FSTL5: variants seen among roughly 807,000 people sequenced by gnomAD.
The protein encoded by FSTL5 is follistatin like 5.
In FSTL5, 62 loss-of-function variants were observed where a neutral mutation model predicts 89.1. The ratio of observed to expected loss-of-function variants is 0.70; its 90% CI spans 0.57 to 0.86. The LOEUF (loss-of-function observed/expected upper bound fraction) is 0.86, where lower values mean the gene tolerates loss of function less well. Ranked by LOEUF, FSTL5 falls within the 40% of genes least tolerant of loss-of-function variation. FSTL5 has a pLI of 0.00. For missense variants in FSTL5, 1,057 were observed against 1,001.6 expected (o/e 1.06, Z -0.75); for synonymous variants, 383 against 346.2 (o/e 1.11, Z -1.18).
At chr4:161,861,341 G>A (rs1731909240) in intron 4 of FSTL5, among the ~76,000 whole-genome samples, 1 of 152,140 alleles carries the variant, frequency 6.6e-6, no homozygotes, top group Non-Finnish European at 1.5e-5. Flanking sequence ...GGTATCGTTT[G>A]AACCCGGGAG....
At chr4:161,806,440 G>A (rs547959872) in intron 4 of FSTL5, among the ~76,000 whole-genome samples, 1 of 152,236 alleles carries the variant, frequency 6.6e-6, no homozygotes, top group South Asian at 2.1e-4. Context: ...TGAGATGCAT[G>A]TTAAATGAAA....
rs150596185 is a variant in FSTL5, at chr4:162,085,933, G to A, written c.126+25338C>T. Among the ~76,000 whole-genome samples the A allele has an allele frequency of 7.6e-4, 115 of 152,126 alleles. 1 individual carries two copies. Among genetic ancestry groups the A allele is most frequent in the African/African-American group, 2.6e-3 (109 of 41,500 alleles). On this transcript the variant is annotated intron_variant, in intron 2 of 15. Coordinates refer to ENST00000306100, the MANE Select transcript of FSTL5 (RefSeq NM_020116.5). Reference sequence around the variant, plus strand: ...TCACAAACTGTCACAGTTACATTACGTAGGGGCTCCTGAGCAAGGTAAAAC... The same window carrying A: ...TCACAAACTGTCACAGTTACATTACATAGGGGCTCCTGAGCAAGGTAAAAC...
At chr4:161,781,850 T>C (rs1560842347) in intron 4 of FSTL5, among the ~76,000 whole-genome samples, 1 of 152,194 alleles carries the variant, frequency 6.6e-6, no homozygotes, top group Non-Finnish European at 1.5e-5. Context: ...TATACTATAA[T>C]TTACAGAATA....
At position 161,833,782 on chromosome 4, in the gene FSTL5, T is replaced by C. The variant is rs541185612; in HGVS notation, c.410-57708A>G. Among the ~76,000 whole-genome samples the C allele has an allele frequency of 2.7e-3, 417 of 151,850 alleles. 3 individuals carry two copies. Among genetic ancestry groups the C allele is most frequent in the Non-Finnish European group, 4.3e-3 (292 of 67,932 alleles). Reference sequence around the variant, plus strand: ...TTTTGAGCCTATGTGTGTCTCTGCATGGGAGATGGGTTTCCTGAATACAGC... The same window carrying C: ...TTTTGAGCCTATGTGTGTCTCTGCACGGGAGATGGGTTTCCTGAATACAGC... On this transcript the variant is annotated intron_variant, in intron 4 of 15. Transcript: ENST00000306100.
intron 6 of FSTL5, among the ~76,000 whole-genome samples, chr4:161,720,557 A>G (rs976216879): frequency 6.6e-6 from 1 of 152,166 alleles, no homozygotes; most frequent in Non-Finnish European, 1.5e-5. Flanking sequence ...AGATATCTAT[A>G]CTCCTATGTT....
At chr4:161,420,313 T>G (rs1424819408) in intron 15 of FSTL5, among the ~76,000 whole-genome samples, 3 of 152,230 alleles carry the variant, frequency 2.0e-5, no homozygotes, top group Admixed American at 6.5e-5. Flanking sequence ...TGTGACCAGT[T>G]ACAAAAACAA....
chr4:161,741,559 C>G (rs1471739908), intron 6 of FSTL5, among the ~76,000 whole-genome samples: 1 of 151,962 alleles, frequency 6.6e-6, no homozygotes, highest in African/African-American at 2.4e-5. Context: ...ATTATGGGAG[C>G]AACTAAGAGT....
At chr4:161,657,493 T>G (rs1358869858) in intron 6 of FSTL5, among the ~76,000 whole-genome samples, 10 of 152,192 alleles carry the variant, frequency 6.6e-5, no homozygotes, top group Admixed American at 6.5e-4. Context: ...TTGTTAAGGT[T>G]GTGATATTTG....
chr4:161,496,702 A>T (rs1730086038), intron 12 of FSTL5, among the ~76,000 whole-genome samples: 1 of 152,042 alleles, frequency 6.6e-6, no homozygotes, highest in African/African-American at 2.4e-5. Context: ...AACCCTACAA[A>T]TTTTGGACTT....
chr4:162,084,285 T>C (rs1335140159), intron 2 of FSTL5, among the ~76,000 whole-genome samples: 2 of 151,958 alleles, frequency 1.3e-5, no homozygotes, highest in African/African-American at 4.8e-5. Context: ...TATCATCACC[T>C]GGAGTCAGGT....
intron 3 of FSTL5, among the ~76,000 whole-genome samples, chr4:161,926,487 C>A (rs1734131078): frequency 6.6e-6 from 1 of 150,998 alleles, no homozygotes; most frequent in Non-Finnish European, 1.5e-5. Flanking sequence ...AATTTGCACC[C>A]ATCCAAATTA....
intron 4 of FSTL5, among the ~76,000 whole-genome samples, chr4:161,792,660 G>T (rs1729515892): frequency 6.6e-6 from 1 of 152,114 alleles, no homozygotes; most frequent in South Asian, 2.1e-4. Context: ...CCCACTGTGG[G>T]TCTCCTCTCC....
At chr4:161,408,324 T>G (rs1731462780) in intron 15 of FSTL5, among the ~76,000 whole-genome samples, 1 of 152,184 alleles carries the variant, frequency 6.6e-6, no homozygotes, top group Non-Finnish European at 1.5e-5. Flanking sequence ...ATCATTTTAC[T>G]AATTCCCCCT....
intron 12 of FSTL5, among the ~76,000 whole-genome samples, chr4:161,490,766 G>A (rs982515617): frequency 6.6e-6 from 1 of 152,050 alleles, no homozygotes; most frequent in Non-Finnish European, 1.5e-5. Context: ...AAGCATTACT[G>A]TAATTCACAC....
intron 4 of FSTL5, among the ~76,000 whole-genome samples, chr4:161,804,337 C>T (rs1357114877): frequency 1.3e-5 from 2 of 151,970 alleles, no homozygotes; most frequent in Non-Finnish European, 2.9e-5. Context: ...ATAAGGACAT[C>T]TTTGGGAGTC....
At chr4:161,388,756 C>T (rs1425477053) in intron 15 of FSTL5, among the ~76,000 whole-genome samples, 1 of 152,060 alleles carries the variant, frequency 6.6e-6, no homozygotes, top group Non-Finnish European at 1.5e-5. Context: ...CATTTCAGCT[C>T]TCCTCTTAAC....
chr4:161,935,479 G>T (rs1002634634), intron 3 of FSTL5, among the ~76,000 whole-genome samples: 1 of 152,058 alleles, frequency 6.6e-6, no homozygotes, highest in African/African-American at 2.4e-5. Flanking sequence ...AAGGAAGTTA[G>T]TGTTAATTGA....
intron 3 of FSTL5, among the ~76,000 whole-genome samples, chr4:161,950,721 A>G (rs1224299937): frequency 6.6e-6 from 1 of 152,082 alleles, no homozygotes; most frequent in Non-Finnish European, 1.5e-5. Flanking sequence ...AATGGGCTCT[A>G]AGTGCCTCAA....
chr4:161,984,635 C>T (rs1735912456), intron 3 of FSTL5, among the ~76,000 whole-genome samples: 1 of 152,056 alleles, frequency 6.6e-6, no homozygotes, highest in African/African-American at 2.4e-5. Flanking sequence ...CAGTCTTTCC[C>T]CCTTAGCCTC....
Sources: allele counts gnomAD v4.1 joint callset (sites outside exome capture counted in the v4.1 genomes callset), GRCh38; gene constraint gnomAD v4.1.1; transcripts MANE v1.5; gene names NCBI Gene and HGNC (gene_info 2026-07-23, HGNC 2026-07-21).